The following RBFOX1 variants were observed in gnomAD, a reference collection of about 807,000 sequenced individuals.
RBFOX1 encodes the protein RNA binding fox-1 homolog 1, also known as RNA binding protein fox-1 homolog 1.
Under a neutral mutation model 57.7 loss-of-function variants are expected in RBFOX1, and 8 were observed. That is an observed-to-expected ratio of 0.14 (90% CI 0.08 to 0.25). The LOEUF is 0.25. Ranked by LOEUF, RBFOX1 falls within the 10% of genes least tolerant of loss-of-function variation. RBFOX1 has a pLI of 1.00. For missense variants in RBFOX1, 611 were observed against 548.5 expected (o/e 1.11, Z -1.14); for synonymous variants, 326 against 222.4 (o/e 1.47, Z -4.15).
At chr16:6,017,069 T>G (rs2152343637), upstream of RBFOX1, among the ~76,000 whole-genome samples, 1 of 152,328 alleles carries the variant, frequency 6.6e-6, no homozygotes, top group South Asian at 2.1e-4. Flanking sequence ...AAGCTGAACT[T>G]GATTTTCAGA....
intron 3 of RBFOX1, among the ~76,000 whole-genome samples, chr16:5,759,642 A>G (rs11864055): frequency 6.6e-6 from 1 of 152,036 alleles, no homozygotes; most frequent in African/African-American, 2.4e-5. Context: ...GGTAGAAGCA[A>G]AGCTCTCATG....
At chr16:7,227,276 A>ACCCCCC in intron 4 of RBFOX1, among the ~76,000 whole-genome samples, 1 of 102,580 alleles carries the variant, frequency 9.7e-6, no homozygotes. Flanking sequence ...CACATACCAC[A>ACCCCCC]CACACCCCAC....
intron 2 of RBFOX1, among the ~76,000 whole-genome samples, chr16:6,396,511 A>G (rs1383438066): frequency 6.6e-6 from 1 of 152,210 alleles, no homozygotes; most frequent in African/African-American, 2.4e-5. Context: ...GCATATTTAT[A>G]TAAAAGAGGC....
At chr16:6,871,235 G>C (rs2153270444) in intron 3 of RBFOX1, among the ~76,000 whole-genome samples, 1 of 152,262 alleles carries the variant, frequency 6.6e-6, no homozygotes, top group East Asian at 1.9e-4. Context: ...CCCCAGGCTG[G>C]AGTGCATTGG....
chr16:6,136,535 C>G (rs747261950), intron 1 of RBFOX1, among the ~76,000 whole-genome samples: 1 of 152,116 alleles, frequency 6.6e-6, no homozygotes, highest in African/African-American at 2.4e-5. Flanking sequence ...TAGAAACTAC[C>G]CATTATTATG....
intron 2 of RBFOX1, among the ~76,000 whole-genome samples, chr16:6,588,010 A>ACC (rs2097654424): frequency 6.6e-6 from 1 of 151,370 alleles, no homozygotes; most frequent in Non-Finnish European, 1.5e-5. Context: ...AGAATGGATC[A>ACC]CCTGAGGTCA....
chr16:7,531,915 C>T (rs1214135521), intron 5 of RBFOX1, among the ~76,000 whole-genome samples: 1 of 152,082 alleles, frequency 6.6e-6, no homozygotes, highest in Non-Finnish European at 1.5e-5. Context: ...TCCCCTTCCC[C>T]AGTGGCATCC....
At chr16:5,427,271 A>T (rs374025740) in intron 1 of RBFOX1, among the ~76,000 whole-genome samples, 1 of 152,316 alleles carries the variant, frequency 6.6e-6, no homozygotes, top group South Asian at 2.1e-4. Flanking sequence ...TCATGCAGTT[A>T]AGGAGAATAG....
At chr16:7,019,797 C>A (rs563813616) in intron 3 of RBFOX1, among the ~76,000 whole-genome samples, 1 of 152,180 alleles carries the variant, frequency 6.6e-6, no homozygotes, top group South Asian at 2.1e-4. Context: ...TACCCACGCC[C>A]CAATTCCCAT....
chr16:7,540,947 T>G (rs2082753496), intron 5 of RBFOX1, among the ~76,000 whole-genome samples: 1 of 152,186 alleles, frequency 6.6e-6, no homozygotes, highest in Non-Finnish European at 1.5e-5. Flanking sequence ...GACCTTAGTT[T>G]GATGACCCTG....
chr16:6,696,431 C>T (rs2061059564), intron 3 of RBFOX1, among the ~76,000 whole-genome samples: 1 of 152,068 alleles, frequency 6.6e-6, no homozygotes, highest in Non-Finnish European at 1.5e-5. Flanking sequence ...AATGCTTTTT[C>T]ATCCCCTCTG....
intron 3 of RBFOX1, among the ~76,000 whole-genome samples, chr16:7,017,958 T>C (rs576949731): frequency 6.6e-6 from 1 of 152,312 alleles, no homozygotes; most frequent in East Asian, 1.9e-4. Flanking sequence ...GAATTAGGTG[T>C]GCCCCCTTTC....
chr16:6,136,575 G>A (rs931911745), intron 1 of RBFOX1, among the ~76,000 whole-genome samples: 14 of 152,148 alleles, frequency 9.2e-5, no homozygotes, highest in African/African-American at 3.4e-4. Flanking sequence ...TTTCTTCAGA[G>A]CTCAAGTCTA....
intron 4 of RBFOX1, among the ~76,000 whole-genome samples, chr16:5,894,630 C>T (rs2058118106): frequency 6.6e-6 from 1 of 152,080 alleles, no homozygotes; most frequent in Admixed American, 6.6e-5. Context: ...TACATCAGAG[C>T]CCTGAGTTTC....
intron 3 of RBFOX1, among the ~76,000 whole-genome samples, chr16:7,000,430 T>C (rs577556948): frequency 1.3e-5 from 2 of 152,280 alleles, no homozygotes; most frequent in South Asian, 2.1e-4. Context: ...GTCATTTTTA[T>C]GCAACAGTCT....
intron 10 of RBFOX1, among the ~76,000 whole-genome samples, chr16:7,615,334 A>AAATAAT (rs900721016): frequency 1.5e-4 from 8 of 55,062 alleles, no homozygotes; most frequent in Admixed American, 2.9e-4. Context: ...CTCCATCTCA[A>AAATAAT]AATAATAATA....
At chr16:7,271,235 A>C (rs1456014839) in intron 4 of RBFOX1, among the ~76,000 whole-genome samples, 1 of 151,984 alleles carries the variant, frequency 6.6e-6, no homozygotes, top group Non-Finnish European at 1.5e-5. Context: ...CTTTGTCTAC[A>C]CGTGTTTCCT....
chr16:5,867,203 G>A, intron 3 of RBFOX1: 1 of 753,128 alleles, frequency 1.3e-6, no homozygotes, highest in Non-Finnish European at 1.8e-6. Context: ...GTCCCCTCGG[G>A]TCATAACAAA....
chr16:7,169,971 G>C (rs1262656374), intron 4 of RBFOX1, among the ~76,000 whole-genome samples: 1 of 152,114 alleles, frequency 6.6e-6, no homozygotes, highest in East Asian at 1.9e-4. Flanking sequence ...TACTTGGGAG[G>C]ATCAGGTAGG....
Sources: allele counts gnomAD v4.1 joint callset (sites outside exome capture counted in the v4.1 genomes callset), GRCh38; gene constraint gnomAD v4.1.1; transcripts MANE v1.5; gene names NCBI Gene and HGNC (gene_info 2026-07-23, HGNC 2026-07-21).